DIAPH2: variants seen among roughly 807,000 people sequenced by gnomAD.
The protein encoded by DIAPH2 is diaphanous related formin 2, also known as protein diaphanous homolog 2.
In DIAPH2, 35 loss-of-function variants were observed where a neutral mutation model predicts 92.7. The observed-to-expected ratio is 0.38, with a 90% confidence interval of 0.29 to 0.50. DIAPH2 has a LOEUF of 0.50. Among genes scored for constraint, DIAPH2 ranks in the 20% least tolerant of loss-of-function variants. The pLI is 0.94. For missense variants in DIAPH2, 701 were observed against 819.5 expected, an observed-to-expected ratio of 0.86 and a Z score of 1.77; for synonymous variants, 301 against 280.4, an observed-to-expected ratio of 1.07 and a Z score of -0.73.
At chrX:97,550,860 G>T (rs1200157420) in intron 26 of DIAPH2, among the ~76,000 whole-genome samples, 1 of 111,631 alleles carries the variant, frequency 9.0e-6, no homozygotes, top group Non-Finnish European at 1.9e-5. Flanking sequence ...GGAGCCAGGT[G>T]AATGAAAGAA....
At position 97,602,482 on chromosome X, in the gene DIAPH2, T is replaced by C. The variant is rs920671890; in HGVS notation, c.*3165T>C. On this transcript the variant is annotated 3_prime_UTR_variant, in exon 27 of 27. Coordinates refer to ENST00000324765, the MANE Select transcript of DIAPH2 (RefSeq NM_006729.5). ...AGGCATAGGATAACAGTTACAGACA[T>C]TTCTGTCTCAAAAAGGAGAGAATGG... The C allele has an allele frequency of 8.9e-6, 1 of 112,560 alleles. No individual in the cohort carries two copies. Among genetic ancestry groups the C allele is most frequent in the Non-Finnish European group, 1.9e-5 (1 of 53,271 alleles). The allele number at this position is 112,560 out of a possible 1,213,427, so 9.3% of individuals were successfully genotyped here. A position where few individuals can be genotyped will look rare whatever the true frequency, so the allele number is the denominator to read the frequency against.
At chrX:96,783,841 G>A (rs139366843) in intron 4 of DIAPH2, among the ~76,000 whole-genome samples, 2 of 112,262 alleles carry the variant, frequency 1.8e-5, no homozygotes, top group Non-Finnish European at 3.8e-5. Flanking sequence ...TTGTGTGAAT[G>A]TAGAACCTGT....
rs760297503 is a variant in DIAPH2, at chrX:96,895,870, T to C, written c.587+14152T>C. Among the ~76,000 whole-genome samples the C allele has an allele frequency of 8.0e-5, 9 of 112,260 alleles. No individual in the cohort carries two copies. In the Admixed American group the frequency reaches 8.5e-4, roughly 11 times the overall value. On this transcript the variant is annotated intron_variant, in intron 5 of 26. Coordinates refer to ENST00000324765, the MANE Select transcript of DIAPH2 (RefSeq NM_006729.5). ...GCAACCCCAAAATGGCTGACCAATG[T>C]CTTTCATGTTGAGTATGGAAGCAAG...
intron 23 of DIAPH2, among the ~76,000 whole-genome samples, chrX:97,285,489 G>T (rs747651911): frequency 9.2e-6 from 1 of 108,298 alleles, no homozygotes; most frequent in East Asian, 2.9e-4. Flanking sequence ...ACATCAATAT[G>T]TCAGGATGGA....
intron 19 of DIAPH2, among the ~76,000 whole-genome samples, chrX:97,090,576 A>G (rs2066818404): frequency 9.0e-6 from 1 of 110,618 alleles, no homozygotes; most frequent in African/African-American, 3.3e-5. Context: ...GTGTCTATAC[A>G]TTACAAAAGT....
intron 22 of DIAPH2, among the ~76,000 whole-genome samples, chrX:97,153,126 G>T (rs973092093): frequency 1.8e-5 from 2 of 111,199 alleles, no homozygotes; most frequent in African/African-American, 6.5e-5. Context: ...TAATATCTAG[G>T]CTACTTATCC....
At chrX:97,046,345 C>G (rs2066484341) in intron 17 of DIAPH2, among the ~76,000 whole-genome samples, 2 of 110,884 alleles carry the variant, frequency 1.8e-5, no homozygotes, top group African/African-American at 6.6e-5. Context: ...GGATCCTTTT[C>G]TCCTTTGTAA....
intron 23 of DIAPH2, among the ~76,000 whole-genome samples, chrX:97,297,385 G>C (rs1276349629): frequency 9.2e-6 from 1 of 109,274 alleles, no homozygotes; most frequent in East Asian, 2.9e-4. Flanking sequence ...TTGAAAGCAG[G>C]GAAGTTTTCC....
intron 26 of DIAPH2, among the ~76,000 whole-genome samples, chrX:97,439,765 G>A (rs2070234343): frequency 1.3e-5 from 1 of 78,271 alleles, no homozygotes; most frequent in Non-Finnish European, 2.4e-5. Flanking sequence ...AGAGGGGCGG[G>A]GGGTGGGTGG....
At chrX:97,189,577 T>G (rs2067635997) in intron 22 of DIAPH2, among the ~76,000 whole-genome samples, 1 of 110,295 alleles carries the variant, frequency 9.1e-6, no homozygotes, top group Non-Finnish European at 1.9e-5. Context: ...GCCATTGATA[T>G]GTAAAACCAT....
chrX:96,888,581 CTATA>C (rs72073544), intron 5 of DIAPH2, among the ~76,000 whole-genome samples: 4 of 92,046 alleles, frequency 4.3e-5, no homozygotes, highest in Non-Finnish European at 6.4e-5. Context: ...ATATATATAT[CTATA>C]TATATACAGA....
chrX:97,089,156 G>T (rs1420646951), intron 19 of DIAPH2, among the ~76,000 whole-genome samples: 1 of 112,359 alleles, frequency 8.9e-6, no homozygotes, highest in African/African-American at 3.2e-5. Flanking sequence ...CCATGAGGAA[G>T]ATTTGAAGTA....
intron 26 of DIAPH2, among the ~76,000 whole-genome samples, chrX:97,473,909 G>C (rs1177984848): frequency 4.5e-5 from 5 of 112,291 alleles, no homozygotes; most frequent in Admixed American, 3.7e-4. Flanking sequence ...GCAGTGAGCA[G>C]AGATCATGCC....
intron 23 of DIAPH2, among the ~76,000 whole-genome samples, chrX:97,280,478 T>TAAC (rs1416153684): frequency 9.0e-6 from 1 of 110,679 alleles, no homozygotes; most frequent in Non-Finnish European, 1.9e-5. Flanking sequence ...CTCAAAATAA[T>TAAC]AATAATAATA....
At chrX:97,399,737 T>C (rs956189328) in intron 25 of DIAPH2, among the ~76,000 whole-genome samples, 5 of 112,714 alleles carry the variant, frequency 4.4e-5, no homozygotes, top group African/African-American at 1.6e-4. Context: ...CTCTACTTTG[T>C]GTTTTCACAG....
At chrX:97,498,492 G>T (rs1302021309) in intron 26 of DIAPH2, among the ~76,000 whole-genome samples, 1 of 111,430 alleles carries the variant, frequency 9.0e-6, no homozygotes, top group Non-Finnish European at 1.9e-5. Flanking sequence ...AATCTCTTAT[G>T]ATTGGGGTCA....
At chrX:97,210,993 C>T (rs5921615) in intron 22 of DIAPH2, among the ~76,000 whole-genome samples, 2,557 of 111,923 alleles carry the variant, frequency 0.023, 29 homozygotes, top group Middle Eastern at 0.037. Context: ...ATGCACAGTG[C>T]ACTTTATCTT....
Position 96,918,564 on chromosome X carries a change from C to T in DIAPH2, c.925C>T (p.Arg309Ter). Reference protein sequence around the residue: ...TTAAERNNRERFSPIVEGLEN... With the variant: ...TTAAERNNRE ...AGCAGCAGAAAGAAATAACAGGGAA[C>T]GATTTTCACCAATTGTGGAAGGTTT... Residue 309 changes from arginine to a stop codon, truncating the protein, a stop_gained, in exon 9 of 27, where the codon CGA (arginine) becomes TGA (stop). Transcript: ENST00000324765. LOFTEE classifies it high-confidence loss of function. The T allele has an allele frequency of 2.5e-6, 3 of 1,207,074 alleles. No individual in the cohort carries two copies. Among genetic ancestry groups the T allele is most frequent in the Non-Finnish European group, 3.4e-6 (3 of 893,271 alleles).
intron 22 of DIAPH2, among the ~76,000 whole-genome samples, chrX:97,229,201 A>G (rs2067988567): frequency 8.9e-6 from 1 of 112,537 alleles, no homozygotes; most frequent in Non-Finnish European, 1.9e-5. Flanking sequence ...GATGTTAGTC[A>G]TATTCATTAG....
Sources: gnomAD v4.1 joint callset for allele counts (sites outside exome capture counted in the v4.1 genomes callset) on GRCh38, gnomAD v4.1.1 for gene constraint, MANE v1.5 for transcripts, NCBI Gene and HGNC (gene_info 2026-07-23, HGNC 2026-07-21) for gene names.